The following ENTPD1 variants were observed in gnomAD, a reference collection of about 807,000 sequenced individuals.
ENTPD1 encodes the protein ATP diphosphohydrolase.
A neutral mutation model predicts 57.0 loss-of-function variants in ENTPD1; 33 were observed. That is an observed-to-expected ratio of 0.58 (90% CI 0.44 to 0.77). The LOEUF (loss-of-function observed/expected upper bound fraction) is 0.77, where lower values mean the gene tolerates loss of function less well. Ranked by LOEUF, ENTPD1 falls within the 30% of genes least tolerant of loss-of-function variation. The pLI, the probability that ENTPD1 is intolerant of heterozygous loss-of-function variation, is 0.00. For missense variants in ENTPD1, 501 were observed against 603.4 expected (o/e 0.83, Z 1.78); for synonymous variants, 202 against 218.8 (o/e 0.92, Z 0.68).
At chr10:95,839,092 G>T (rs925436897) in intron 2 of ENTPD1, among the ~76,000 whole-genome samples, 3 of 152,110 alleles carry the variant, frequency 2.0e-5, no homozygotes, top group African/African-American at 7.2e-5. Flanking sequence ...TGCATTTATT[G>T]AACTAAAATT....
At position 95,871,350 on chromosome 10, in the gene ENTPD1, T is replaced by C. The variant is rs1484003362; in HGVS notation, c.*4967T>C. On this transcript the variant is annotated 3_prime_UTR_variant, in exon 10 of 10. Coordinates refer to ENST00000371205, the MANE Select transcript of ENTPD1 (RefSeq NM_001776.6). ...AAATGTCATTACTTCTAAGACATCA[T>C]CAGTCTGCAACTTCTTTCCATAGCC... 5.1e-6 allele frequency: 5 copies of C among 985,328 alleles called. No individual in the cohort carries two copies. Among genetic ancestry groups the C allele is most frequent in the Non-Finnish European group, 6.0e-6 (5 of 829,902 alleles). The allele number at this position is 985,328 out of a possible 1,614,324, so 61.0% of individuals were successfully genotyped here. A position where few individuals can be genotyped will look rare whatever the true frequency, so the allele number is the denominator to read the frequency against.
At chr10:95,779,626 C>G (rs527974953) in intron 1 of ENTPD1, among the ~76,000 whole-genome samples, 2 of 151,956 alleles carry the variant, frequency 1.3e-5, no homozygotes, top group African/African-American at 4.8e-5. Context: ...CCTACTTCTA[C>G]TTACTCCTTT....
the ENTPD1 span, among the ~76,000 whole-genome samples, chr10:95,702,081 CAAAT>C: frequency 6.6e-6 from 1 of 151,324 alleles, no homozygotes; most frequent in South Asian, 2.1e-4. Flanking sequence ...AAATTAAAAA[CAAAT>C]AAAAAATCAG....
At chr10:95,834,703 G>A (rs559467823) in intron 2 of ENTPD1, among the ~76,000 whole-genome samples, 10 of 152,058 alleles carry the variant, frequency 6.6e-5, no homozygotes, top group South Asian at 6.3e-4. Context: ...ATATCTATAC[G>A]GCCTCCAGTC....
At chr10:95,777,436 C>A (rs1251736191) in intron 1 of ENTPD1, among the ~76,000 whole-genome samples, 1 of 152,268 alleles carries the variant, frequency 6.6e-6, no homozygotes, top group Middle Eastern at 3.4e-3. Flanking sequence ...CACTCCAGAC[C>A]CTGTTTTTCT....
intron 1 of ENTPD1, among the ~76,000 whole-genome samples, chr10:95,734,979 C>T (rs2097993030): frequency 6.6e-6 from 1 of 150,952 alleles, no homozygotes; most frequent in South Asian, 2.1e-4. Flanking sequence ...GCATTTTCTA[C>T]ATTGAATCTG....
intron 3 of ENTPD1, among the ~76,000 whole-genome samples, chr10:95,842,039 A>C (rs761058809): frequency 5.9e-5 from 9 of 152,222 alleles, no homozygotes; most frequent in Non-Finnish European, 1.2e-4. Context: ...AAAAGCAGCT[A>C]ACAGAGTAGC....
upstream of ENTPD1, among the ~76,000 whole-genome samples, chr10:95,706,813 A>G (rs2097962652): frequency 6.6e-6 from 1 of 152,174 alleles, no homozygotes; most frequent in Admixed American, 6.5e-5. Context: ...CAGGCCCTCC[A>G]TGGCCTGAAG....
At chr10:95,788,952 C>T (rs1456939013) in intron 1 of ENTPD1, among the ~76,000 whole-genome samples, 3 of 152,098 alleles carry the variant, frequency 2.0e-5, no homozygotes, top group African/African-American at 7.2e-5. Context: ...AGTAGCATCA[C>T]TTGGACTAAA....
intron 1 of ENTPD1, among the ~76,000 whole-genome samples, chr10:95,792,122 A>G (rs2098206836): frequency 6.6e-6 from 1 of 152,014 alleles, no homozygotes; most frequent in South Asian, 2.1e-4. Context: ...AGGAGAAGAG[A>G]GCGTGGCTGA....
At position 95,868,567 on chromosome 10, in the gene ENTPD1, T is replaced by C. The variant is rs2098476915; in HGVS notation, c.*2184T>C. On this transcript the variant is annotated 3_prime_UTR_variant, in exon 10 of 10. Coordinates refer to ENST00000371205, the MANE Select transcript of ENTPD1 (RefSeq NM_001776.6). ...AATAACAGCCGCTTTTTTCCTTCTGTCTGCGTATACAAAGCACTGTCATGC... is the reference window on the plus strand; with the variant it reads ...AATAACAGCCGCTTTTTTCCTTCTGCCTGCGTATACAAAGCACTGTCATGC... The C allele has an allele frequency of 3.0e-6, 3 of 985,422 alleles. No individual in the cohort carries two copies. The highest frequency in any genetic ancestry group is 3.6e-6 in the Non-Finnish European group (3 of 829,948). 61.0% of individuals were successfully genotyped at this position (985,422 alleles called of 1,614,324 possible).
chr10:95,871,542 A>T lies in ENTPD1; in HGVS notation c.*5159A>T. ...ATACAAATCTAATACAACTGAACAC[A>T]ATCAGTTTTATCACAGGTATAATGG... On this transcript the variant is annotated 3_prime_UTR_variant, in exon 10 of 10. Coordinates refer to ENST00000371205, the MANE Select transcript of ENTPD1 (RefSeq NM_001776.6). 1.0e-6 allele frequency: 1 copy of T among 985,382 alleles called. No individual in the cohort carries two copies. Among genetic ancestry groups the T allele is most frequent in the Non-Finnish European group, 1.2e-6 (1 of 829,890 alleles). 61.0% of individuals were successfully genotyped at this position (985,382 alleles called of 1,614,324 possible).
At chr10:95,862,622 A>C (rs750250684) in intron 8 of ENTPD1, among the ~76,000 whole-genome samples, 5 of 152,186 alleles carry the variant, frequency 3.3e-5, no homozygotes, top group Non-Finnish European at 7.3e-5. Flanking sequence ...TGGAGGGACC[A>C]GGAGAGTGAG....
At chr10:95,781,934 C>T (rs961974010) in intron 1 of ENTPD1, among the ~76,000 whole-genome samples, 5 of 152,174 alleles carry the variant, frequency 3.3e-5, no homozygotes, top group Non-Finnish European at 7.3e-5. Context: ...GCCTGTTATG[C>T]CTTCACCAAG....
chr10:95,813,680 G>C (rs2098317747), intron 1 of ENTPD1, among the ~76,000 whole-genome samples: 1 of 152,132 alleles, frequency 6.6e-6, no homozygotes, highest in Non-Finnish European at 1.5e-5. Flanking sequence ...GGTCCCCTTG[G>C]CCAAAAGATG....
chr10:95,748,397 GC>G (rs2098008350), intron 1 of ENTPD1, among the ~76,000 whole-genome samples: 2 of 151,882 alleles, frequency 1.3e-5, no homozygotes, highest in Non-Finnish European at 2.9e-5. Context: ...ATTCTTTTTT[GC>G]CTTTTATTGC....
At position 95,877,239 on chromosome 10, in the gene ENTPD1, C is replaced by T. The variant is rs537347124; in HGVS notation, c.*10856C>T. Among the ~76,000 whole-genome samples, 2 of 152,298 alleles carry T rather than the reference C, an allele frequency of 1.3e-5. No individual in the cohort carries two copies. Among genetic ancestry groups the T allele is most frequent in the South Asian group, 4.1e-4 (2 of 4,824 alleles). ...TTTCACATATGCTTAAAGCCTAAAA[C>T]CTCTTAATAAACTTCTTCTGAAATA... On this transcript the variant is annotated 3_prime_UTR_variant, in exon 10 of 10. Coordinates refer to ENST00000371205, the MANE Select transcript of ENTPD1 (RefSeq NM_001776.6).
At chr10:95,859,845 G>T (rs528327101) in intron 7 of ENTPD1, among the ~76,000 whole-genome samples, 2 of 84,334 alleles carry the variant, frequency 2.4e-5, no homozygotes, top group South Asian at 3.5e-4. Flanking sequence ...CATTTTAATA[G>T]AATTTTTTTT....
intron 5 of ENTPD1, chr10:95,844,958 T>C (rs2098431440): frequency 4.3e-6 from 2 of 464,460 alleles, no homozygotes; most frequent in African/African-American, 2.0e-5. Flanking sequence ...TCAGCACTTT[T>C]CATGTTTTCT....
Sources: gnomAD v4.1 joint callset for allele counts (sites outside exome capture counted in the v4.1 genomes callset) on GRCh38, gnomAD v4.1.1 for gene constraint, MANE v1.5 for transcripts, NCBI Gene and HGNC (gene_info 2026-07-23, HGNC 2026-07-21) for gene names.